Variants in MOGS observed in about 807,000 individuals in gnomAD.
MOGS encodes the protein epididymis secretory sperm binding protein.
In MOGS, 45 loss-of-function variants were observed where a neutral mutation model predicts 68.5. That is an observed-to-expected ratio of 0.66 (90% CI 0.52 to 0.84). MOGS has a LOEUF of 0.84. MOGS is among the 40% of genes least tolerant of loss of function. The pLI is 0.00. For synonymous variants in MOGS, 492 were observed against 461.2 expected (o/e 1.07, Z -0.86); for missense variants, 1,020 against 1,095.0 (o/e 0.93, Z 0.97).
chr2:74,463,660 C>CA, intron 2 of MOGS: 1 of 197,470 alleles, frequency 5.1e-6, no homozygotes, highest in Non-Finnish European at 9.3e-6. Flanking sequence ...TCATTTAATT[C>CA]TTTTTTTTTT....
chr2:74,461,788 C>A lies in MOGS; in HGVS notation c.2001G>T (p.Arg667Ser). 4.3e-6 allele frequency: 7 copies of A among 1,614,186 alleles called. No individual in the cohort carries two copies. Among genetic ancestry groups the A allele is most frequent in the Non-Finnish European group, 5.1e-6 (6 of 1,180,030 alleles). The change falls in exon 4 of 4, where the codon AGG becomes AGT. Residue 667 changes from arginine (R) to serine (S), a missense_variant. Coordinates refer to ENST00000448666, the MANE Select transcript of MOGS (RefSeq NM_006302.3). ...NHTKAVQLKP[R>S]PPQGLVRVVG... ...CCACCCGAACGAGCCCCTGAGGGGG[C>A]CTGGGCTTCAGCTGTACTGCTTTTG...
rs1417911185 is a variant in MOGS at position 74,462,874 on chromosome 2, C to T, written c.915G>A (p.Lys305=). Residue 305 remains lysine (K), a synonymous_variant, in exon 4 of 4, where the codon AAG becomes AAA. Transcript: ENST00000448666. ...GCCCACTTGGACCTCTGTCCTCCCA[C>T]TTCAGGGATCCTGGCAAGCCGAGGT... The part of the protein sequence containing the change: ...ERYLGLPGSL[K]WEDRGPSGQG... 8.1e-6 allele frequency: 13 copies of T among 1,614,090 alleles called. No individual in the cohort carries two copies. The highest frequency in any genetic ancestry group is 1.1e-5 in the Non-Finnish European group (13 of 1,180,056).
chr2:74,464,822 A>T (rs1572922149), intron 1 of MOGS, 74 bp downstream of exon 1: 1 of 1,555,732 alleles, frequency 6.4e-7, no homozygotes, highest in Non-Finnish European at 8.7e-7. Flanking sequence ...ATTCCTTCCC[A>T]CCCTTGCTCT....
Position 74,461,080 on chromosome 2 carries a change from A to G in MOGS, c.*195T>C, listed in dbSNP as rs1671889255. ...AATAGAGTTCAAAATGTTTTTTCCA[A>G]TTTATTTAGAAAAATAGACTCTGGA... On this transcript the variant is annotated 3_prime_UTR_variant, in exon 4 of 4. Transcript: ENST00000448666. 11 of 713,768 alleles carry G rather than the reference A, an allele frequency of 1.5e-5. No homozygotes were observed. The East Asian group carries it at 2.7e-4, about 17-fold the overall frequency. 44.2% of individuals were successfully genotyped at this position (713,768 alleles called of 1,614,324 possible). A position where few individuals can be genotyped will look rare whatever the true frequency, so the allele number is the denominator to read the frequency against.
rs200568933 is a variant in MOGS, at chr2:74,464,570, T to C, written c.505A>G (p.Thr169Ala). The C allele has an allele frequency of 1.9e-6, 3 of 1,614,092 alleles. No homozygotes were observed. The highest frequency in any genetic ancestry group is 2.5e-6 in the Non-Finnish European group (3 of 1,180,014). ...QHIQDGALRL[T>A]TEFVKRPGGQ... ...CCAGGCCTCTTGACGAACTCAGTGG[T>C]GAGCCTTAAGGCCCCATCCTGGATG... The change falls in exon 2 of 4, where the codon ACC (threonine) becomes GCC (alanine). Residue 169 changes from threonine to alanine, a missense_variant. Thr to Ala is a moderately conservative substitution (Grantham distance 58, BLOSUM62 0). Transcript: ENST00000448666.
rs1558564280 is a variant in MOGS at position 74,461,338 on chromosome 2, C to T, written c.2451G>A (p.Met817Ile). 1.2e-6 allele frequency: 2 copies of T among 1,614,110 alleles called. No individual in the cohort carries two copies. The highest frequency in any genetic ancestry group is 2.2e-5 in the East Asian group (1 of 44,890). ...EQYSDRDGRG[M>I]GCRPFHGWTS... is the part of the protein sequence containing the mutation. Reference sequence around the variant, plus strand: ...TCCAGCCGTGGAAAGGGCGGCAGCCCATGCCTCGCCCATCGCGGTCACTGT... The same window carrying T: ...TCCAGCCGTGGAAAGGGCGGCAGCCTATGCCTCGCCCATCGCGGTCACTGT... The change falls in exon 4 of 4, where the codon ATG (methionine) becomes ATA (isoleucine). Residue 817 changes from methionine (M) to isoleucine (I), a missense_variant. Coordinates refer to ENST00000448666, the MANE Select transcript of MOGS (RefSeq NM_006302.3).
chr2:74,462,170 C>T lies in MOGS; in HGVS notation c.1619G>A (p.Arg540His), dbSNP rs1349913472. The T allele has an allele frequency of 8.7e-6, 14 of 1,614,070 alleles. No individual in the cohort carries two copies. Among genetic ancestry groups the T allele is most frequent in the African/African-American group, 1.3e-5 (1 of 75,026 alleles). Residue 540 changes from arginine (R) to histidine (H), a missense_variant, in exon 4 of 4, where the codon CGC (arginine) becomes CAC (histidine). Coordinates refer to ENST00000448666, the MANE Select transcript of MOGS (RefSeq NM_006302.3). ...GAGCCAGGAAAACCAGGCATGCAGGCGGGGCAAGGCCTTTCGGAGGAAAGC... is the reference window on the plus strand; with the variant it reads ...GAGCCAGGAAAACCAGGCATGCAGGTGGGGCAAGGCCTTTCGGAGGAAAGC... ...DLAFLRKALP[R>H]LHAWFSWLHQ...
chr2:74,462,201 C>A lies in MOGS; in HGVS notation c.1588G>T (p.Asp530Tyr). 1 of 1,614,148 alleles carries A rather than the reference C, an allele frequency of 6.2e-7. No individual in the cohort carries two copies. The highest frequency in any genetic ancestry group is 8.5e-7 in the Non-Finnish European group (1 of 1,180,008). The change falls in exon 4 of 4, where the codon GAC (aspartate) becomes TAC (tyrosine). Residue 530 changes from aspartate (D) to tyrosine (Y), a missense_variant. This residue lies in a region of MOGS where 181 missense variants were observed against 261.8 expected (regional missense o/e 0.69). Transcript: ENST00000448666. ...AAGGCCTTTCGGAGGAAAGCCAAGTCGTCAGGGTCACCAACCTCTAGCATA... is the reference window on the plus strand; with the variant it reads ...AAGGCCTTTCGGAGGAAAGCCAAGTAGTCAGGGTCACCAACCTCTAGCATA... ...AHMLEVGDPD[D>Y]LAFLRKALPR...
chr2:74,463,174 C>A lies in MOGS; in HGVS notation c.776+16G>T, dbSNP rs773890616. 1 of 1,613,846 alleles carries A rather than the reference C, an allele frequency of 6.2e-7. No individual in the cohort carries two copies. Among genetic ancestry groups the A allele is most frequent in the Non-Finnish European group, 8.5e-7 (1 of 1,179,956 alleles). ...ACCACCCCTTCCATCCCCCAACATT[C>A]TTTTCCCCCAGTTACCTGCCATACT... On this transcript the variant is annotated intron_variant, in intron 3 of 3. Coordinates refer to ENST00000448666, the MANE Select transcript of MOGS (RefSeq NM_006302.3).
rs1671943523 is a variant in MOGS, at chr2:74,462,397, G to C, written c.1392C>G (p.Pro464=). ...FHQLVVQRWD[P]SLTREALGHW... is the part of the protein sequence containing the mutation. ...GGCCAAGGGCTTCCCGGGTGAGGGAGGGATCCCACCGCTGAACCACCAGCT... is the reference window on the plus strand; with the variant it reads ...GGCCAAGGGCTTCCCGGGTGAGGGACGGATCCCACCGCTGAACCACCAGCT... Residue 464 remains proline, a synonymous_variant, in exon 4 of 4, where the codon CCC becomes CCG. Coordinates refer to ENST00000448666, the MANE Select transcript of MOGS (RefSeq NM_006302.3). 6.2e-7 allele frequency: 1 copy of C among 1,613,946 alleles called. No individual in the cohort carries two copies. Among genetic ancestry groups the C allele is most frequent in the Admixed American group, 1.7e-5 (1 of 60,004 alleles).
rs1412163522 is a variant in MOGS at position 74,461,503 on chromosome 2, A to T, written c.2286T>A (p.Ala762=). The change falls in exon 4 of 4, where the codon GCT becomes GCA. Residue 762 remains alanine (A), a synonymous_variant. Coordinates refer to ENST00000448666, the MANE Select transcript of MOGS (RefSeq NM_006302.3). ...GAVWLNVNYL[A]LGALHHYGHL... ...GCCCATAGTGGTGGAGTGCTCCCAAAGCCAGGTAGTTGACATTGAGCCACA... is the reference window on the plus strand; with the variant it reads ...GCCCATAGTGGTGGAGTGCTCCCAATGCCAGGTAGTTGACATTGAGCCACA... 1 of 1,613,874 alleles carries T rather than the reference A, an allele frequency of 6.2e-7. No homozygotes were observed. Among genetic ancestry groups the T allele is most frequent in the Non-Finnish European group, 8.5e-7 (1 of 1,179,930 alleles).
chr2:74,462,938 C>T lies in MOGS; in HGVS notation c.851G>A (p.Trp284Ter), dbSNP rs749476593. Residue 284 changes from tryptophan to a stop codon, truncating the protein, a stop_gained, in exon 4 of 4, where the codon TGG becomes TAG. Coordinates refer to ENST00000448666, the MANE Select transcript of MOGS (RefSeq NM_006302.3). LOFTEE classifies it high-confidence loss of function. ...GGCCCCTGGGGGCCGATGCTGAAAC[C>T]AGCTATTTAGGCGACTCTTTACCAT... ...TEMVKSRLNS[W>*]FQHRPPGAPP... 2 of 1,614,076 alleles carry T rather than the reference C, an allele frequency of 1.2e-6. No homozygotes were observed. The highest frequency in any genetic ancestry group is 1.3e-5 in the African/African-American group (1 of 74,940).
Position 74,463,311 on chromosome 2 carries a change from G to T in MOGS, c.655C>A (p.Pro219Thr). The change falls in exon 3 of 4, where the codon CCA becomes ACA. Residue 219 changes from proline (P) to threonine (T), a missense_variant. Transcript: ENST00000448666. ...VVTDGKEVLLPEVGAKGQLKF... is the reference protein window; with the variant it reads ...VVTDGKEVLLTEVGAKGQLKF... Reference sequence around the variant, plus strand: ...AACTGCCCCTTGGCCCCAACCTCTGGTAGTAGGACTTCCTTGCCATCTGTC... The same window carrying T: ...AACTGCCCCTTGGCCCCAACCTCTGTTAGTAGGACTTCCTTGCCATCTGTC... 1 of 1,614,208 alleles carries T rather than the reference G, an allele frequency of 6.2e-7. No individual in the cohort carries two copies.
chr2:74,463,052 G>C, intron 3 of MOGS, 40 bp from the exon 4 acceptor site: 2 of 1,613,032 alleles, frequency 1.2e-6, no homozygotes, highest in Non-Finnish European at 1.7e-6. Context: ...TTATTCAAGA[G>C]AAGGCAGTGG....
chr2:74,463,991 C>A (rs1237952551), intron 2 of MOGS, among the ~76,000 whole-genome samples: 2 of 121,216 alleles, frequency 1.6e-5, no homozygotes, highest in Admixed American at 9.4e-5. Flanking sequence ...TGGAGTTTTG[C>A]TCTTGTTGCC....
At position 74,462,054 on chromosome 2, in the gene MOGS, G is replaced by T; in HGVS notation, c.1735C>A (p.Pro579Thr). 6.2e-7 allele frequency: 1 copy of T among 1,614,210 alleles called. No homozygotes were observed. The highest frequency in any genetic ancestry group is 1.3e-5 in the African/African-American group (1 of 75,066). The change falls in exon 4 of 4, where the codon CCC becomes ACC. Residue 579 changes from proline (P) to threonine (T), a missense_variant. Coordinates refer to ENST00000448666, the MANE Select transcript of MOGS (RefSeq NM_006302.3). Reference sequence around the variant, plus strand: ...CGGGGGTAGTCATCCAGCCCAGAGGGTAGGGTCTTGGGGTTCAGTAAGGTT... The same window carrying T: ...CGGGGGTAGTCATCCAGCCCAGAGGTTAGGGTCTTGGGGTTCAGTAAGGTT... The part of the protein sequence containing the change: ...LPTLLNPKTL[P>T]SGLDDYPRAS...
chr2:74,461,544 A>AG lies in MOGS; in HGVS notation c.2244dup (p.Tyr749LeufsTer38). ...TTGAGCCACACAGCACCCCGCCAGT[A>AG]GGGGGGATCATGCTCTGAATTGCGC... On this transcript the variant is annotated frameshift_variant, in exon 4 of 4. Coordinates refer to ENST00000448666, the MANE Select transcript of MOGS (RefSeq NM_006302.3). LOFTEE classifies it high-confidence loss of function. The AG allele has an allele frequency of 1.2e-6, 2 of 1,613,952 alleles. No homozygotes were observed. The highest frequency in any genetic ancestry group is 1.7e-6 in the Non-Finnish European group (2 of 1,179,904).
intron 1 of MOGS, 41 bp from the exon 2 acceptor site, chr2:74,464,763 C>T: frequency 1.3e-6 from 2 of 1,592,718 alleles, no homozygotes; most frequent in African/African-American, 1.3e-5. Flanking sequence ...AGCAGGGGAC[C>T]TGTCCCTCCG....
rs886056337 is a variant in MOGS at position 74,461,110 on chromosome 2, C to T, written c.*165G>A. 3.3e-5 allele frequency: 25 copies of T among 760,398 alleles called. No homozygotes were observed. Among genetic ancestry groups the T allele is most frequent in the Middle Eastern group, 7.4e-4 (2 of 2,696 alleles). 47.1% of individuals were successfully genotyped at this position (760,398 alleles called of 1,614,324 possible). A position where few individuals can be genotyped will look rare whatever the true frequency, so the allele number is the denominator to read the frequency against. On this transcript the variant is annotated 3_prime_UTR_variant, in exon 4 of 4. Transcript: ENST00000448666. ...TTTAGAAAAATAGACTCTGGATTCA[C>T]ATTCACCCCAGGGCTATGTGGGATG...
Sources: gnomAD v4.1 joint callset for allele counts (sites outside exome capture counted in the v4.1 genomes callset) on GRCh38, gnomAD v4.1.1 for gene constraint, gnomAD v4.1.1 regional missense constraint, MANE v1.5 for transcripts, NCBI Gene and HGNC (gene_info 2026-07-23, HGNC 2026-07-21) for gene names.